The following OPCML variants were observed in gnomAD, a reference collection of about 807,000 sequenced individuals.
OPCML encodes opioid-binding protein/cell adhesion molecule.
A neutral mutation model predicts 37.8 loss-of-function variants in OPCML; 13 were observed. The observed-to-expected ratio is 0.34, with a 90% confidence interval of 0.22 to 0.55. The LOEUF (loss-of-function observed/expected upper bound fraction) is 0.55, where lower values mean the gene tolerates loss of function less well. OPCML is among the 20% of genes least tolerant of loss of function. The pLI is 0.91. For synonymous variants in OPCML, 176 were observed against 168.8 expected (o/e 1.04, Z -0.33); for missense variants, 341 against 435.6 (o/e 0.78, Z 1.93).
chr11:132,733,340 T>C (rs1036414963), intron 2 of OPCML, among the ~76,000 whole-genome samples: 1 of 152,028 alleles, frequency 6.6e-6, no homozygotes, highest in Middle Eastern at 3.2e-3. Context: ...CCATAGTAGA[T>C]GAGCAAAAGA....
At chr11:132,530,555 C>G (rs184381207) in intron 3 of OPCML, among the ~76,000 whole-genome samples, 191 of 152,280 alleles carry the variant, frequency 1.3e-3, no homozygotes, top group African/African-American at 4.3e-3. Flanking sequence ...CCCAGAATGG[C>G]CTACCATGTT....
At chr11:132,470,681 G>A (rs2508990) in intron 4 of OPCML, among the ~76,000 whole-genome samples, 79,128 of 151,926 alleles carry the variant, frequency 0.52, 21,128 homozygotes, top group East Asian at 0.85. Flanking sequence ...GATATCATTA[G>A]CATCCTAACT....
At chr11:133,433,408 C>T (rs1946167729) in intron 1 of OPCML, among the ~76,000 whole-genome samples, 1 of 152,070 alleles carries the variant, frequency 6.6e-6, no homozygotes, top group East Asian at 1.9e-4. Context: ...TTTCAAAGTT[C>T]CTTTTCTACA....
chr11:133,004,143 G>A lies in OPCML; in HGVS notation c.62-61133C>T, dbSNP rs1460453550. 8 of 985,258 alleles carry A rather than the reference G, an allele frequency of 8.1e-6. No homozygotes were observed. In the Admixed American group the frequency reaches 1.8e-4, roughly 23 times the overall value. 61.0% of individuals were successfully genotyped at this position (985,258 alleles called of 1,614,324 possible). On this transcript the variant is annotated intron_variant, in intron 1 of 7. Transcript: ENST00000524381. ...CCCACACATCTCAAAAGCGGGAGCA[G>A]GCAGCCCAGAGAGTGGGTCTCACTC...
intron 2 of OPCML, among the ~76,000 whole-genome samples, chr11:132,675,607 G>C (rs1942669110): frequency 6.6e-6 from 1 of 152,034 alleles, no homozygotes; most frequent in East Asian, 1.9e-4. Context: ...CAGAACACAA[G>C]ATCAATATAT....
intron 1 of OPCML, among the ~76,000 whole-genome samples, chr11:133,050,069 C>T (rs961398830): frequency 1.3e-5 from 2 of 152,208 alleles, no homozygotes; most frequent in African/African-American, 4.8e-5. Context: ...TGTAAATGAG[C>T]TTAGCCCTTC....
At chr11:133,182,160 A>G (rs972058967) in intron 1 of OPCML, among the ~76,000 whole-genome samples, 1 of 152,194 alleles carries the variant, frequency 6.6e-6, no homozygotes, top group South Asian at 2.1e-4. Flanking sequence ...GCCCATCTTC[A>G]GTGCCTCACC....
intron 2 of OPCML, among the ~76,000 whole-genome samples, chr11:132,684,349 C>T (rs920914529): frequency 9.2e-5 from 14 of 152,080 alleles, no homozygotes; most frequent in Admixed American, 6.6e-5. Context: ...TCAGAAAGGT[C>T]GTGTGTCCCA....
At chr11:132,650,608 A>C (rs910356784) in intron 3 of OPCML, among the ~76,000 whole-genome samples, 4 of 152,124 alleles carry the variant, frequency 2.6e-5, no homozygotes, top group African/African-American at 9.7e-5. Context: ...ACACAAAAAA[A>C]ACACACACAG....
intron 2 of OPCML, chr11:132,860,083 C>T (rs1591714457): frequency 6.6e-6 from 1 of 152,344 alleles, no homozygotes; most frequent in Non-Finnish European, 1.5e-5. Context: ...AAGGTTAATA[C>T]ATCAACTGTG....
chr11:132,609,917 A>C (rs759241489), intron 3 of OPCML, among the ~76,000 whole-genome samples: 8 of 152,244 alleles, frequency 5.3e-5, no homozygotes, highest in Non-Finnish European at 1.0e-4. Flanking sequence ...TAAAGGAAAA[A>C]TAAAATATCA....
At chr11:132,673,278 A>G (rs1407603362) in intron 2 of OPCML, among the ~76,000 whole-genome samples, 1 of 152,120 alleles carries the variant, frequency 6.6e-6, no homozygotes, top group Non-Finnish European at 1.5e-5. Flanking sequence ...AAACCAAACC[A>G]AACATAAAAT....
At chr11:132,561,831 A>G (rs1441426728) in intron 3 of OPCML, among the ~76,000 whole-genome samples, 2 of 152,232 alleles carry the variant, frequency 1.3e-5, no homozygotes, top group Non-Finnish European at 2.9e-5. Flanking sequence ...TGTTGACATT[A>G]ATGTTTAAAC....
chr11:132,499,264 G>T (rs998839238), intron 4 of OPCML, among the ~76,000 whole-genome samples: 3 of 152,204 alleles, frequency 2.0e-5, no homozygotes, highest in African/African-American at 7.2e-5. Flanking sequence ...CAGAGGAGCA[G>T]TCTGCAAAGA....
intron 1 of OPCML, among the ~76,000 whole-genome samples, chr11:133,092,345 C>T (rs1047676247): frequency 2.0e-5 from 3 of 152,174 alleles, no homozygotes; most frequent in Non-Finnish European, 2.9e-5. Context: ...AGCTGGGCAT[C>T]TAATACAAGG....
intron 1 of OPCML, among the ~76,000 whole-genome samples, chr11:133,136,144 C>A (rs910028847): frequency 4.6e-5 from 7 of 152,072 alleles, no homozygotes; most frequent in South Asian, 2.1e-4. Flanking sequence ...TAGGAGACAC[C>A]TAAGAAAAAT....
intron 2 of OPCML, among the ~76,000 whole-genome samples, chr11:132,931,977 A>G (rs1400213956): frequency 6.6e-6 from 1 of 152,202 alleles, no homozygotes; most frequent in Non-Finnish European, 1.5e-5. Context: ...GCATGGATGA[A>G]CCTTAAAGAC....
rs1216149508 is a variant in OPCML at position 133,208,387 on chromosome 11, G to A, written c.62-265377C>T. On this transcript the variant is annotated intron_variant, in intron 1 of 7. Transcript: ENST00000524381. This position sits in a 1 kb window ranked among gnomAD's most constrained non-coding sequence, Gnocchi z 8.9. ...CTGGGGCATGGTAGAAAGGGCCATA[G>A]GTTAGGATTTTATAACTCTCTGGAG... Among the ~76,000 whole-genome samples, 2 of 152,190 alleles carry A rather than the reference G, an allele frequency of 1.3e-5. No individual in the cohort carries two copies. Among genetic ancestry groups the A allele is most frequent in the African/African-American group, 4.8e-5 (2 of 41,448 alleles).
intron 2 of OPCML, among the ~76,000 whole-genome samples, chr11:132,856,563 A>G (rs192511194): frequency 6.0e-4 from 91 of 152,334 alleles, no homozygotes; most frequent in African/African-American, 1.9e-3. Flanking sequence ...GCTGGTGATC[A>G]GTAGCTTCCC....
Sources: gnomAD v4.1 joint callset for allele counts (sites outside exome capture counted in the v4.1 genomes callset) on GRCh38, gnomAD v4.1.1 for gene constraint, Gnocchi (gnomAD v3.1) non-coding constraint, MANE v1.5 for transcripts, NCBI Gene and HGNC (gene_info 2026-07-23, HGNC 2026-07-21) for gene names.